DNAH2: variants seen among roughly 807,000 people sequenced by gnomAD.
DNAH2 encodes the protein axonemal beta dynein heavy chain 2.
A neutral mutation model predicts 523.5 loss-of-function variants in DNAH2; 323 were observed. The observed-to-expected ratio is 0.62, with a 90% CI of 0.56 to 0.68. DNAH2 has a LOEUF of 0.68. Among genes scored for constraint, DNAH2 ranks in the 30% least tolerant of loss-of-function variants. DNAH2 has a pLI of 0.00. For synonymous variants in DNAH2, 2,093 were observed against 2,177.4 expected, an observed-to-expected ratio of 0.96 and a Z score of 1.08; for missense variants, 4,907 against 5,701.5, an observed-to-expected ratio of 0.86 and a Z score of 4.49.
At chr17:7,743,467 A>C (rs2075418570) in intron 12 of DNAH2, 1 of 659,956 alleles carries the variant, frequency 1.5e-6, no homozygotes, top group Non-Finnish European at 2.7e-6. Flanking sequence ...GGAGTTTGAG[A>C]ACAGCCTGGG....
chr17:7,784,835 A>G (rs1052032277), intron 39 of DNAH2, among the ~76,000 whole-genome samples: 1 of 152,214 alleles, frequency 6.6e-6, no homozygotes, highest in Non-Finnish European at 1.5e-5. Flanking sequence ...CTAAATCTGT[A>G]TGCACTAAAT....
chr17:7,801,204 G>T (rs894018600), intron 56 of DNAH2, among the ~76,000 whole-genome samples: 6 of 151,964 alleles, frequency 3.9e-5, no homozygotes, highest in African/African-American at 1.4e-4. Context: ...TGTGATACAC[G>T]GTGTACTTAC....
Position 7,828,775 on chromosome 17 carries a change from A to G in DNAH2, c.11854-1525A>G, listed in dbSNP as rs2078088203. On this transcript the variant is annotated intron_variant, in intron 77 of 85. Coordinates refer to ENST00000572933, the MANE Select transcript of DNAH2 (RefSeq NM_020877.5). This position sits in a 1 kb window ranked among gnomAD's most constrained non-coding sequence, Gnocchi z 4.1. ...TCTGTAATTTTCTCCGTAAATAATCATACATTTTAATTGGATTTATTTCTT... is the reference window on the plus strand; with the variant it reads ...TCTGTAATTTTCTCCGTAAATAATCGTACATTTTAATTGGATTTATTTCTT... Among the ~76,000 whole-genome samples the G allele has an allele frequency of 6.6e-6, 1 of 151,922 alleles. No homozygotes were observed. The highest frequency in any genetic ancestry group is 1.5e-5 in the Non-Finnish European group (1 of 68,006).
At chr17:7,805,484 G>A in intron 61 of DNAH2, 91 bp downstream of exon 61, 2 of 1,566,642 alleles carry the variant, frequency 1.3e-6, no homozygotes, top group Non-Finnish European at 1.7e-6. Flanking sequence ...AGATAGGGAT[G>A]GATGAGGCAT....
chr17:7,816,820 A>G, intron 64 of DNAH2, 85 bp downstream of exon 64: 1 of 1,534,368 alleles, frequency 6.5e-7, no homozygotes, highest in Non-Finnish European at 8.8e-7. Flanking sequence ...AGGAGCAGTC[A>G]GGGAAAACGG....
In DNAH2 at chr17:7,739,719, G is replaced by A; in HGVS notation, c.1171-14G>A. 1 of 1,609,876 alleles carries A rather than the reference G, an allele frequency of 6.2e-7. No homozygotes were observed. Among genetic ancestry groups the A allele is most frequent in the Non-Finnish European group, 8.5e-7 (1 of 1,179,724 alleles). On this transcript the variant is annotated splice_polypyrimidine_tract_variant and intron_variant, in intron 8 of 85. Transcript: ENST00000572933. ...GAAGGAAAGCAGGAACCCTCATGCT[G>A]TCTTCTTTTTTAGGTATGTGACTGT...
intron 2 of DNAH2, among the ~76,000 whole-genome samples, chr17:7,722,830 A>G (rs1431267858): frequency 1.3e-5 from 2 of 152,120 alleles, no homozygotes; most frequent in Non-Finnish European, 2.9e-5. Context: ...ATTGTGAATA[A>G]TGCTGCTACG....
intron 73 of DNAH2, among the ~76,000 whole-genome samples, chr17:7,822,863 G>GGAGACATTATTACCATTAGGTT (rs1332297089): frequency 2.6e-5 from 4 of 152,148 alleles, no homozygotes; most frequent in African/African-American, 9.7e-5. Flanking sequence ...TCATTAGGTT[G>GGAGACATTATTACCATTAGGTT]GAGACATTAT....
At position 7,815,584 on chromosome 17, in the gene DNAH2, A is replaced by G. The variant is rs148322405; in HGVS notation, c.9730-987A>G. Among the ~76,000 whole-genome samples the G allele has an allele frequency of 2.3e-3, 354 of 152,204 alleles. No individual in the cohort carries two copies. In the East Asian group the frequency reaches 0.036, roughly 16 times the overall value. On this transcript the variant is annotated intron_variant, in intron 63 of 85. Transcript: ENST00000572933. ...CATACACACATATACAGGATCACAC[A>G]CACATATACAGGATCACATACACAT... is the stretch of plus-strand genomic sequence containing the variant.
Position 7,766,334 on chromosome 17 carries a change from C to A in DNAH2, c.3528C>A (p.Asn1176Lys). The change falls in exon 22 of 86, where the codon AAC (asparagine) becomes AAA (lysine). Residue 1176 changes from asparagine (N) to lysine (K), a missense_variant. This residue lies in a region of DNAH2 where 2,806 missense variants were observed against 3,190.8 expected (regional missense o/e 0.88). Transcript: ENST00000572933. The stretch of plus-strand genomic sequence containing the variant: ...CCTCCACAGGCCATTTCACCAGCAA[C>A]GTGGGATACATGTCTGCCTTAGACC... ...DFEFKGHFTS[N>K]VGYMSALDQI... is the part of the protein sequence containing the mutation. 6.2e-7 allele frequency: 1 copy of A among 1,613,630 alleles called. No individual in the cohort carries two copies. The highest frequency in any genetic ancestry group is 8.5e-7 in the Non-Finnish European group (1 of 1,179,710).
intron 28 of DNAH2, 147 bp from the exon 29 acceptor site, chr17:7,774,612 C>A: frequency 1.5e-6 from 1 of 646,652 alleles, no homozygotes; most frequent in Non-Finnish European, 2.7e-6. Context: ...GTTAGACAGT[C>A]TGGGGATACT....
intron 28 of DNAH2, among the ~76,000 whole-genome samples, chr17:7,772,230 C>T (rs1042542210): frequency 6.6e-6 from 1 of 152,018 alleles, no homozygotes; most frequent in African/African-American, 2.4e-5. Context: ...TGCAGAGGAC[C>T]TCTTTATTTT....
At position 7,824,179 on chromosome 17, in the gene DNAH2, A is replaced by G. The variant is rs2077953080; in HGVS notation, c.11537A>G (p.Asp3846Gly). The change falls in exon 76 of 86, where the codon GAC (aspartate) becomes GGC (glycine). Residue 3846 changes from aspartate to glycine, a missense_variant. Physicochemically the swap from Asp to Gly is moderately conservative, Grantham distance 94. This residue lies in a region of DNAH2 where 1,851 missense variants were observed against 2,139.4 expected (regional missense o/e 0.87). Coordinates refer to ENST00000572933, the MANE Select transcript of DNAH2 (RefSeq NM_020877.5). ...PLVFILSPGV[D>G]PTSALLQLAE... ...GTGTTCATCCTGTCCCCTGGTGTGG[A>G]CCCCACCAGTGCCCTGCTGCAGCTG... is the stretch of plus-strand genomic sequence containing the variant. 1 of 1,602,342 alleles carries G rather than the reference A, an allele frequency of 6.2e-7. No homozygotes were observed. Among genetic ancestry groups the G allele is most frequent in the African/African-American group, 1.3e-5 (1 of 74,474 alleles).
At chr17:7,826,588 G>A (rs2078026530) in intron 77 of DNAH2, among the ~76,000 whole-genome samples, 1 of 136,454 alleles carries the variant, frequency 7.3e-6, no homozygotes, top group African/African-American at 2.8e-5. Context: ...CGCCCAGGCT[G>A]GAGCGCAGTG....
intron 78 of DNAH2, 28 bp downstream of exon 78, chr17:7,830,519 C>T (rs371346997): frequency 6.2e-7 from 1 of 1,611,320 alleles, no homozygotes; most frequent in African/African-American, 1.3e-5. Flanking sequence ...GTCCTCATCC[C>T]AGCCCTCTCT....
chr17:7,734,770 A>G (rs1298652037), intron 7 of DNAH2, 62 bp downstream of exon 7: 4 of 1,547,042 alleles, frequency 2.6e-6, no homozygotes, highest in Admixed American at 1.7e-5. Flanking sequence ...GGGATGATAC[A>G]GGGAGCTAAG....
chr17:7,737,122 C>T lies in DNAH2; in HGVS notation c.1034C>T (p.Pro345Leu), dbSNP rs1204902889. 6.2e-7 allele frequency: 1 copy of T among 1,614,180 alleles called. No homozygotes were observed. The highest frequency in any genetic ancestry group is 1.1e-5 in the South Asian group (1 of 91,090). ...NLTFLSILKE[P>L]YQELAFMKPK... Reference sequence around the variant, plus strand: ...ACCTTTTTGTCAATCCTGAAGGAACCTTACCAGGAGTTGGCTTTCATGAAG... The same window carrying T: ...ACCTTTTTGTCAATCCTGAAGGAACTTTACCAGGAGTTGGCTTTCATGAAG... The change falls in exon 8 of 86, where the codon CCT becomes CTT. Residue 345 changes from proline (P) to leucine (L), a missense_variant. Coordinates refer to ENST00000572933, the MANE Select transcript of DNAH2 (RefSeq NM_020877.5).
intron 58 of DNAH2, 120 bp downstream of exon 58, chr17:7,802,137 G>A (rs1395966859): frequency 5.0e-6 from 7 of 1,392,340 alleles, no homozygotes; most frequent in African/African-American, 2.8e-5. Flanking sequence ...TGCCCAGGAA[G>A]TTGGGAAGAG....
Position 7,778,381 on chromosome 17 carries a change from A to T in DNAH2, c.5453A>T (p.Lys1818Met). 6.2e-7 allele frequency: 1 copy of T among 1,614,232 alleles called. No individual in the cohort carries two copies. ...GKTETVKDLG[K>M]ALGIYVIVVN... ...ACCGAGACCGTCAAGGACCTGGGCA[A>T]GGCCCTGGGCATATATGTCATTGTG... The change falls in exon 35 of 86, where the codon AAG (lysine) becomes ATG (methionine). Residue 1818 changes from lysine to methionine, a missense_variant. Physicochemically the swap from Lys to Met is moderately conservative, Grantham distance 95 (BLOSUM62 -1). Coordinates refer to ENST00000572933, the MANE Select transcript of DNAH2 (RefSeq NM_020877.5).
Sources: gnomAD v4.1 joint callset for allele counts (sites outside exome capture counted in the v4.1 genomes callset) on GRCh38, gnomAD v4.1.1 for gene constraint, gnomAD v4.1.1 regional missense constraint, Gnocchi (gnomAD v3.1) non-coding constraint, MANE v1.5 for transcripts, NCBI Gene and HGNC (gene_info 2026-07-23, HGNC 2026-07-21) for gene names.